PREX1: variants seen among roughly 807,000 people sequenced by gnomAD.
The protein encoded by PREX1 is phosphatidylinositol-3,4,5-trisphosphate dependent Rac exchange factor 1, also known as phosphatidylinositol 3,4,5-trisphosphate-dependent Rac exchanger 1 protein.
PREX1 carries 41 observed loss-of-function variants against 198.3 expected under a neutral mutation model. The observed-to-expected ratio is 0.21, with a 90% CI of 0.16 to 0.27. PREX1 has a LOEUF of 0.27. Ranked by LOEUF, PREX1 falls within the 10% of genes least tolerant of loss-of-function variation. PREX1 has a pLI of 1.00. For synonymous variants in PREX1, 843 were observed against 887.2 expected, an observed-to-expected ratio of 0.95 and a Z score of 0.89; for missense variants, 1,620 against 2,200.7, an observed-to-expected ratio of 0.74 and a Z score of 5.28.
At chr20:48,787,308 T>C (rs1457176094) in intron 1 of PREX1, among the ~76,000 whole-genome samples, 2 of 151,710 alleles carry the variant, frequency 1.3e-5, no homozygotes, top group African/African-American at 4.8e-5. Context: ...CTCATAATCA[T>C]GTAAAAGCTG....
chr20:48,718,791 C>T (rs13036459), intron 5 of PREX1, among the ~76,000 whole-genome samples: 14,653 of 152,258 alleles, frequency 0.096, 843 homozygotes, highest in Middle Eastern at 0.15. Flanking sequence ...ATATTAAGCA[C>T]ATCTCAGCAT....
the PREX1 span, among the ~76,000 whole-genome samples, chr20:48,880,980 C>CA: frequency 4.2e-5 from 1 of 24,018 alleles, no homozygotes; most frequent in African/African-American, 2.3e-4. Flanking sequence ...CAAACCATTG[C>CA]TAAAAAAAAA....
At chr20:48,800,192 G>C (rs1447400624) in intron 1 of PREX1, among the ~76,000 whole-genome samples, 2 of 152,148 alleles carry the variant, frequency 1.3e-5, no homozygotes, top group Non-Finnish European at 2.9e-5. Flanking sequence ...GAGGCACAGA[G>C]AGCCTAAATA....
chr20:48,768,591 C>T (rs2090219791), intron 1 of PREX1, among the ~76,000 whole-genome samples: 3 of 152,030 alleles, frequency 2.0e-5, no homozygotes, highest in African/African-American at 7.3e-5. Flanking sequence ...TTCAGGAGTT[C>T]GAGACCAGCC....
chr20:48,885,925 T>C, the PREX1 span, among the ~76,000 whole-genome samples: 2 of 152,140 alleles, frequency 1.3e-5, no homozygotes, highest in East Asian at 1.9e-4. Flanking sequence ...AGATGAATAG[T>C]TGGAGCACAG....
At position 48,632,408 on chromosome 20, in the gene PREX1, C is replaced by A. The variant is rs770367299; in HGVS notation, c.4412-17G>T. The A allele has an allele frequency of 6.2e-7, 1 of 1,613,268 alleles. No individual in the cohort carries two copies. The highest frequency in any genetic ancestry group is 1.1e-5 in the South Asian group (1 of 91,030). On this transcript the variant is annotated splice_polypyrimidine_tract_variant and intron_variant, in intron 34 of 39. Transcript: ENST00000371941. Reference sequence around the variant, plus strand: ...TCTCCAGCACTGGGAGGGGAGATGTCGGGGGCGGGCAGGCGGTTGGGAGCC... The same window carrying A: ...TCTCCAGCACTGGGAGGGGAGATGTAGGGGGCGGGCAGGCGGTTGGGAGCC...
Position 48,631,841 on chromosome 20 carries a change from C to G in PREX1, c.4526+436G>C, listed in dbSNP as rs1189759150. On this transcript the variant is annotated intron_variant, in intron 35 of 39. Transcript: ENST00000371941. The stretch of plus-strand genomic sequence containing the variant: ...TGATACCTGGCTCCTGCTCTCACCC[C>G]TCCTCCCCTGGGGTTCTCTTCTGAG... Among the ~76,000 whole-genome samples, 5 of 152,084 alleles carry G rather than the reference C, an allele frequency of 3.3e-5. No individual in the cohort carries two copies. In the South Asian group the frequency reaches 1.0e-3, roughly 32 times the overall value.
intron 1 of PREX1, among the ~76,000 whole-genome samples, chr20:48,820,160 G>A (rs1398489382): frequency 6.6e-6 from 1 of 152,256 alleles, no homozygotes; most frequent in Non-Finnish European, 1.5e-5. Context: ...AGAGCAGACA[G>A]ATTCCCTTCT....
intron 3 of PREX1, among the ~76,000 whole-genome samples, chr20:48,744,236 C>T (rs186646172): frequency 7.2e-5 from 11 of 152,248 alleles, no homozygotes; most frequent in Non-Finnish European, 1.3e-4. Flanking sequence ...TGCCCATTGT[C>T]CCCTGGGGGC....
intron 6 of PREX1, among the ~76,000 whole-genome samples, chr20:48,706,980 G>C (rs994022402): frequency 3.3e-5 from 5 of 152,154 alleles, no homozygotes; most frequent in African/African-American, 1.2e-4. Flanking sequence ...CCAGGAAAAG[G>C]CTCCTCAGGT....
At chr20:48,743,923 A>C (rs1326545454) in intron 3 of PREX1, among the ~76,000 whole-genome samples, 1 of 152,186 alleles carries the variant, frequency 6.6e-6, no homozygotes, top group Non-Finnish European at 1.5e-5. Context: ...CTCTGAGGGC[A>C]AAGTCACACA....
At chr20:48,822,157 A>AT (rs1345561522) in intron 1 of PREX1, 1 of 152,180 alleles carries the variant, frequency 6.6e-6, no homozygotes, top group East Asian at 1.9e-4. Flanking sequence ...CCATCAAAAG[A>AT]TTTTCACTGA....
intron 2 of PREX1, among the ~76,000 whole-genome samples, chr20:48,746,538 A>G (rs2090108161): frequency 1.3e-5 from 2 of 152,184 alleles, no homozygotes. Context: ...TTTAATGTAA[A>G]TTTCAAGAAC....
the PREX1 span, among the ~76,000 whole-genome samples, chr20:48,834,882 G>A: frequency 4.6e-5 from 7 of 151,942 alleles, no homozygotes; most frequent in Non-Finnish European, 1.5e-5. Flanking sequence ...CTCTGTGCAA[G>A]GCACTGTTGG....
intron 14 of PREX1, among the ~76,000 whole-genome samples, chr20:48,669,188 C>G (rs1287613152): frequency 6.6e-6 from 1 of 151,982 alleles, no homozygotes; most frequent in Non-Finnish European, 1.5e-5. Flanking sequence ...CTCTGCACAC[C>G]TCAAGGCCTT....
chr20:48,778,106 C>T (rs60212652), intron 1 of PREX1, among the ~76,000 whole-genome samples: 3,410 of 152,032 alleles, frequency 0.022, 106 homozygotes, highest in African/African-American at 0.074. Context: ...AAAGTACAGC[C>T]GGATTTCTGT....
chr20:48,751,965 C>G (rs2090136060), intron 1 of PREX1, among the ~76,000 whole-genome samples: 1 of 152,092 alleles, frequency 6.6e-6, no homozygotes, highest in African/African-American at 2.4e-5. Context: ...AAAAGAAATT[C>G]AACAAGTCTA....
chr20:48,707,340 G>A (rs768898286), intron 6 of PREX1, among the ~76,000 whole-genome samples: 2 of 152,074 alleles, frequency 1.3e-5, no homozygotes, highest in East Asian at 1.9e-4. Context: ...CAGAAAGAGC[G>A]CAGGGGACAT....
intron 1 of PREX1, among the ~76,000 whole-genome samples, chr20:48,826,131 G>T (rs934123348): frequency 4.0e-5 from 6 of 151,610 alleles, no homozygotes; most frequent in South Asian, 2.1e-4. Flanking sequence ...GAGGACCCCA[G>T]AGTCTCCCTC....
Sources: gnomAD v4.1 joint callset for allele counts (sites outside exome capture counted in the v4.1 genomes callset) on GRCh38, gnomAD v4.1.1 for gene constraint, MANE v1.5 for transcripts, NCBI Gene and HGNC (gene_info 2026-07-23, HGNC 2026-07-21) for gene names.